Variants in TIAM2 observed in about 807,000 individuals in gnomAD.
TIAM2 encodes TIAM Rac1 associated GEF 2, also known as rho guanine nucleotide exchange factor TIAM2.
Under a neutral mutation model 152.9 loss-of-function variants are expected in TIAM2, and 80 were observed. The observed-to-expected ratio is 0.52, with a 90% CI of 0.44 to 0.63. TIAM2 has a LOEUF of 0.63. Ranked by LOEUF, TIAM2 falls within the 30% of genes least tolerant of loss-of-function variation. TIAM2 has a pLI of 0.00. For missense variants in TIAM2, 1,965 were observed against 2,120.1 expected, an observed-to-expected ratio of 0.93 and a Z score of 1.44; for synonymous variants, 804 against 838.0, an observed-to-expected ratio of 0.96 and a Z score of 0.70.
chr6:155,018,272 G>GATAT (rs1303910777), intron 1 of TIAM2, among the ~76,000 whole-genome samples: 1 of 147,740 alleles, frequency 6.8e-6, no homozygotes, highest in Non-Finnish European at 1.5e-5. Flanking sequence ...TGTGCAGATA[G>GATAT]ATATATATAT....
intron 22 of TIAM2, among the ~76,000 whole-genome samples, chr6:155,251,678 AAC>A (rs1173838384): frequency 1.3e-5 from 2 of 152,340 alleles, no homozygotes; most frequent in South Asian, 2.1e-4. Flanking sequence ...CACTGAGATG[AAC>A]ACAGTGTCCT....
At chr6:155,117,766 C>G (rs576297057) in intron 2 of TIAM2, among the ~76,000 whole-genome samples, 19 of 152,248 alleles carry the variant, frequency 1.2e-4, no homozygotes, top group Non-Finnish European at 2.2e-4. Context: ...CTTACTGATT[C>G]TCCACATGTT....
intron 14 of TIAM2, among the ~76,000 whole-genome samples, chr6:155,185,458 A>G (rs1302849560): frequency 1.3e-5 from 2 of 151,528 alleles, no homozygotes; most frequent in African/African-American, 4.8e-5. Flanking sequence ...TTTTTTTTAA[A>G]TAGTAAGGAT....
chr6:155,238,786 G>C (rs1782892376), intron 15 of TIAM2, among the ~76,000 whole-genome samples: 1 of 152,176 alleles, frequency 6.6e-6, no homozygotes, highest in African/African-American at 2.4e-5. Flanking sequence ...CTATGCTTTG[G>C]GGTTTCCAGC....
chr6:155,242,128 G>T (rs576334410), intron 16 of TIAM2, among the ~76,000 whole-genome samples: 1 of 152,258 alleles, frequency 6.6e-6, no homozygotes, highest in Non-Finnish European at 1.5e-5. Flanking sequence ...TGTTTTCTTA[G>T]GGCCCCCCTG....
chr6:155,067,327 A>G (rs958488597), intron 1 of TIAM2, among the ~76,000 whole-genome samples: 1 of 152,038 alleles, frequency 6.6e-6, no homozygotes, highest in Admixed American at 6.6e-5. Flanking sequence ...CAACTCCCAT[A>G]ATATGTTGGT....
intron 15 of TIAM2, chr6:155,217,233 C>T (rs1483170899): frequency 2.3e-6 from 2 of 887,894 alleles, no homozygotes; most frequent in East Asian, 1.3e-4. Flanking sequence ...GAAGAGATGC[C>T]TTTCTCCCCA....
chr6:155,028,897 T>C (rs577305943), intron 1 of TIAM2, among the ~76,000 whole-genome samples: 4,976 of 83,024 alleles, frequency 0.06, 401 homozygotes, highest in Middle Eastern at 0.087. Context: ...ACACTGTATA[T>C]ACTATCTATA....
chr6:155,205,317 T>C (rs1384677701), intron 14 of TIAM2, among the ~76,000 whole-genome samples: 1 of 151,840 alleles, frequency 6.6e-6, no homozygotes, highest in African/African-American at 2.4e-5. Context: ...CATGTTGAAA[T>C]TTTAAATTTA....
intron 2 of TIAM2, among the ~76,000 whole-genome samples, chr6:155,109,063 A>G (rs1435425501): frequency 6.6e-6 from 1 of 152,078 alleles, no homozygotes; most frequent in African/African-American, 2.4e-5. Flanking sequence ...AGCTCACTGC[A>G]AGCTCCGCCT....
At chr6:155,021,551 C>T (rs1232375502) in intron 1 of TIAM2, among the ~76,000 whole-genome samples, 2 of 152,050 alleles carry the variant, frequency 1.3e-5, no homozygotes, top group African/African-American at 4.8e-5. Context: ...CACGAGCCAC[C>T]GCGCCCAGCC....
chr6:155,021,015 G>A (rs1053216952), intron 1 of TIAM2, among the ~76,000 whole-genome samples: 5 of 152,160 alleles, frequency 3.3e-5, no homozygotes, highest in South Asian at 2.1e-4. Context: ...TTTGCTTAGC[G>A]TGATGTCCTC....
At chr6:155,167,204 G>A (rs1007141940) in intron 9 of TIAM2, among the ~76,000 whole-genome samples, 18 of 150,042 alleles carry the variant, frequency 1.2e-4, no homozygotes, top group African/African-American at 4.3e-4. Context: ...TTTTAAAATT[G>A]TGGTTCTACT....
intron 2 of TIAM2, among the ~76,000 whole-genome samples, chr6:155,124,079 G>A (rs1779235236): frequency 6.6e-6 from 1 of 152,160 alleles, no homozygotes; most frequent in Non-Finnish European, 1.5e-5. Context: ...GAGTCCAGTG[G>A]CTTGATCTCA....
At chr6:155,001,945 A>G (rs1778319653) in intron 1 of TIAM2, among the ~76,000 whole-genome samples, 1 of 152,226 alleles carries the variant, frequency 6.6e-6, no homozygotes, top group South Asian at 2.1e-4. Flanking sequence ...TGCTTTTAAA[A>G]TATAGTGATG....
chr6:155,117,086 G>A (rs1326740020), intron 2 of TIAM2, among the ~76,000 whole-genome samples: 1 of 151,724 alleles, frequency 6.6e-6, no homozygotes, highest in Non-Finnish European at 1.5e-5. Flanking sequence ...AAGAGCCGTG[G>A]TGAGAATGTG....
chr6:155,118,507 A>G (rs1441183079), intron 2 of TIAM2, among the ~76,000 whole-genome samples: 1 of 142,774 alleles, frequency 7.0e-6, no homozygotes, highest in Non-Finnish European at 1.5e-5. Context: ...ATCTTGACTC[A>G]CCGCAACCTT....
chr6:155,240,504 A>G (rs1467083428), intron 15 of TIAM2, 26 bp from the exon 16 acceptor site: 1 of 1,585,210 alleles, frequency 6.3e-7, no homozygotes, highest in East Asian at 2.3e-5. Flanking sequence ...CCCGTGCATT[A>G]TTTTCCACCT....
At chr6:155,189,057 G>A (rs954000489) in intron 14 of TIAM2, among the ~76,000 whole-genome samples, 14 of 152,110 alleles carry the variant, frequency 9.2e-5, no homozygotes, top group Non-Finnish European at 1.2e-4. Flanking sequence ...AAGCCACTTC[G>A]ATGTAAATTT....
Sources: allele counts gnomAD v4.1 joint callset (sites outside exome capture counted in the v4.1 genomes callset), GRCh38; gene constraint gnomAD v4.1.1; transcripts MANE v1.5; gene names NCBI Gene and HGNC (gene_info 2026-07-23, HGNC 2026-07-21).